The following ANXA8 variants were observed in gnomAD, a reference collection of about 807,000 sequenced individuals.
ANXA8 encodes the protein annexin A8, also known as VAC-beta.
In ANXA8, 9 loss-of-function variants were observed where a neutral mutation model predicts 26.8. That is an observed-to-expected ratio of 0.34 (90% CI 0.20 to 0.59). The LOEUF is 0.59. Ranked by LOEUF, ANXA8 falls within the 20% of genes least tolerant of loss-of-function variation. ANXA8 has a pLI of 0.84. For synonymous variants in ANXA8, 39 were observed against 94.8 expected (o/e 0.41, Z 3.42); for missense variants, 83 against 238.5 (o/e 0.35, Z 4.29).
At chr10:47,628,277 T>C in the ANXA8 span, among the ~76,000 whole-genome samples, 1 of 152,130 alleles carries the variant, frequency 6.6e-6, no homozygotes, top group Non-Finnish European at 1.5e-5. Context: ...GACTTAATCA[T>C]ATACGTACCT....
the ANXA8 span, among the ~76,000 whole-genome samples, chr10:47,667,232 CTT>C: frequency 6.6e-6 from 1 of 152,024 alleles, no homozygotes; most frequent in Non-Finnish European, 1.5e-5. Flanking sequence ...TCTGAAAACA[CTT>C]TATTTTCCTC....
intron 1 of ANXA8, among the ~76,000 whole-genome samples, chr10:47,480,831 T>TCCAC (rs1178086495): frequency 1.0e-5 from 1 of 97,328 alleles, no homozygotes; most frequent in Non-Finnish European, 2.1e-5. Flanking sequence ...CATCCATCCA[T>TCCAC]CCACCCACCC....
chr10:47,765,334 G>T, the ANXA8 span, among the ~76,000 whole-genome samples: 1 of 149,122 alleles, frequency 6.7e-6, no homozygotes, highest in African/African-American at 2.5e-5. Flanking sequence ...ACTGGACTCA[G>T]GCAGCTAGCA....
chr10:47,522,210 T>G, the ANXA8 span, among the ~76,000 whole-genome samples: 1 of 141,684 alleles, frequency 7.1e-6, no homozygotes, highest in Non-Finnish European at 1.5e-5. Context: ...AATCTTTATA[T>G]TACACATTAA....
At chr10:47,776,870 T>C in the ANXA8 span, among the ~76,000 whole-genome samples, 1 of 151,390 alleles carries the variant, frequency 6.6e-6, no homozygotes, top group Non-Finnish European at 1.5e-5. Context: ...GAGCCCAGGT[T>C]TTTTTTTCCC....
chr10:47,733,150 T>TC, the ANXA8 span, among the ~76,000 whole-genome samples: 8 of 67,580 alleles, frequency 1.2e-4, 1 homozygote, highest in African/African-American at 5.0e-4. Flanking sequence ...CTAATCTTTC[T>TC]TTCTTTCTTT....
the ANXA8 span, among the ~76,000 whole-genome samples, chr10:47,975,544 T>C: frequency 6.7e-6 from 1 of 149,792 alleles, no homozygotes; most frequent in Non-Finnish European, 1.5e-5. Flanking sequence ...ACTTTGCAGT[T>C]GGCCATTCCT....
chr10:47,945,042 G>T, the ANXA8 span, among the ~76,000 whole-genome samples: 1 of 150,622 alleles, frequency 6.6e-6, no homozygotes, highest in Non-Finnish European at 1.5e-5. Context: ...ACAACTCCCA[G>T]CTAGCCTGGA....
the ANXA8 span, among the ~76,000 whole-genome samples, chr10:47,559,687 A>G: frequency 5.4e-5 from 8 of 147,172 alleles, no homozygotes; most frequent in African/African-American, 1.5e-4. Context: ...GTATTTGCCA[A>G]TTTCTAGAAT....
the ANXA8 span, chr10:47,490,436 C>T: frequency 6.6e-6 from 1 of 151,370 alleles, no homozygotes. Flanking sequence ...GGCGCTATCG[C>T]GAGTGTGGAG....
the ANXA8 span, among the ~76,000 whole-genome samples, chr10:47,510,847 A>G: frequency 8.0e-6 from 1 of 125,542 alleles, no homozygotes; most frequent in African/African-American, 3.1e-5. Context: ...AAAAAAAAAA[A>G]AGAAAGAAAA....
At chr10:47,537,379 C>A in the ANXA8 span, among the ~76,000 whole-genome samples, 45 of 150,822 alleles carry the variant, frequency 3.0e-4, no homozygotes, top group East Asian at 8.3e-3. Context: ...AGTAACCTAG[C>A]AGTACTCTAA....
rs566985938 is a variant in ANXA8, at chr10:47,480,859, C to CCCATCCATCCAT, written c.22-983_22-972dup. 4.4e-4 allele frequency among the ~76,000 whole-genome samples: 56 copies of CCCATCCATCCAT among 128,588 alleles called. 3 individuals carry two copies. The highest frequency in any genetic ancestry group is 1.3e-3 in the African/African-American group (47 of 36,742). The allele number at this position is 128,588 out of a possible 152,430, so 84.4% of individuals were successfully genotyped here. ...ACCCACCCATCCATCTATGCACCCG[C>CCCATCCATCCAT]CCATCCATCCATCCATCCATCCATC... On this transcript the variant is annotated intron_variant, in intron 1 of 11. Coordinates refer to ENST00000585281, the MANE Select transcript of ANXA8 (RefSeq NM_001040084.3).
chr10:47,488,710 TA>T (rs1213880651), upstream of ANXA8, among the ~76,000 whole-genome samples: 1,683 of 117,870 alleles, frequency 0.014, 85 homozygotes, highest in Non-Finnish European at 0.022. Flanking sequence ...TTTTACATGT[TA>T]AATTTTTTTT....
the ANXA8 span, chr10:47,502,522 C>G: frequency 6.2e-7 from 1 of 1,612,966 alleles, no homozygotes; most frequent in East Asian, 2.2e-5. Flanking sequence ...TAGCTCATTG[C>G]CAATAGATGA....
At chr10:47,484,231 C>T (rs1198189023), upstream of ANXA8, 6 of 705,822 alleles carry the variant, frequency 8.5e-6, no homozygotes, top group African/African-American at 8.8e-5. Flanking sequence ...GTTACGCATA[C>T]TGGAAATTCT....
chr10:47,559,424 A>G, the ANXA8 span, among the ~76,000 whole-genome samples: 33 of 151,828 alleles, frequency 2.2e-4, no homozygotes, highest in East Asian at 1.2e-3. Flanking sequence ...CACCACATCC[A>G]GCCTCCTTAC....
chr10:47,743,255 TATATATATAC>T, the ANXA8 span, among the ~76,000 whole-genome samples: 51 of 129,042 alleles, frequency 4.0e-4, no homozygotes, highest in African/African-American at 1.4e-3. Context: ...CATATATATA[TATATATATAC>T]ATATATATAT....
At chr10:47,944,701 G>A in the ANXA8 span, among the ~76,000 whole-genome samples, 1 of 150,596 alleles carries the variant, frequency 6.6e-6, no homozygotes, top group African/African-American at 2.5e-5. Flanking sequence ...CATGTAGGAT[G>A]TGACTTTGCT....
Sources: allele counts gnomAD v4.1 joint callset (sites outside exome capture counted in the v4.1 genomes callset), GRCh38; gene constraint gnomAD v4.1.1; transcripts MANE v1.5; gene names NCBI Gene and HGNC (gene_info 2026-07-23, HGNC 2026-07-21).